The following ATP7B variants were observed in gnomAD, a reference collection of about 807,000 sequenced individuals.
ATP7B encodes ATPase copper transporting beta, also known as copper-transporting ATPase 2.
Under a neutral mutation model 118.9 loss-of-function variants are expected in ATP7B, and 113 were observed. That is an observed-to-expected ratio of 0.95 (90% CI 0.82 to 1.11). ATP7B has a LOEUF of 1.11. Ranked by LOEUF, ATP7B falls within the 50% of genes most tolerant of loss-of-function variation. The pLI, the probability that ATP7B is intolerant of heterozygous loss-of-function variation, is 0.00. For missense variants in ATP7B, 1,867 were observed against 1,871.4 expected (o/e 1.00, Z 0.04); for synonymous variants, 777 against 727.4 (o/e 1.07, Z -1.10).
At chr13:51,973,820 C>A in intron 2 of ATP7B, 115 bp downstream of exon 2, 2 of 1,463,440 alleles carry the variant, frequency 1.4e-6, no homozygotes, top group South Asian at 2.3e-5. Context: ...GGATTTTGTT[C>A]CACTGTTGAC....
chr13:51,935,663 G>A lies in ATP7B; in HGVS notation c.4054C>T (p.Pro1352Ser), dbSNP rs1388795855. 1 of 1,613,634 alleles carries A rather than the reference G, an allele frequency of 6.2e-7. No individual in the cohort carries two copies. The highest frequency in any genetic ancestry group is 1.1e-5 in the South Asian group (1 of 90,904). ...GCCATGGCCGCTGAGCCCATCCAGG[G>A]CTGCAGCACAATGCCGATGGGCATG... ...VFMPIGIVLQ[P>S]WMGSAAMAAS... is the part of the protein sequence containing the mutation. Residue 1352 changes from proline (P) to serine (S), a missense_variant, in exon 20 of 21, where the codon CCC becomes TCC. Transcript: ENST00000242839.
intron 1 of ATP7B, among the ~76,000 whole-genome samples, chr13:52,001,937 C>T (rs9535829): frequency 0.41 from 61,540 of 151,874 alleles, 14,288 homozygotes; most frequent in East Asian, 0.53. Context: ...GCTACAGGTG[C>T]GTGCCACGAT....
At chr13:52,002,485 G>C (rs1057137978) in intron 1 of ATP7B, among the ~76,000 whole-genome samples, 1 of 136,916 alleles carries the variant, frequency 7.3e-6, no homozygotes, top group Non-Finnish European at 1.6e-5. Context: ...AGGATCACCT[G>C]AGCCCGAGGA....
At position 51,970,186 on chromosome 13, in the gene ATP7B, G is replaced by C. The variant is rs928575530; in HGVS notation, c.1543+306C>G. 2.0e-5 allele frequency among the ~76,000 whole-genome samples: 3 copies of C among 152,030 alleles called. No homozygotes were observed. The East Asian group carries it at 5.8e-4, about 29-fold the overall frequency. On this transcript the variant is annotated intron_variant, in intron 3 of 20. Transcript: ENST00000242839. ...AGTAAGGGGTTGATGGGATGGGAGG[G>C]AACAAAATATGGAATAATACTAGTA...
chr13:51,946,364 C>A lies in ATP7B; in HGVS notation c.2980G>T (p.Ala994Ser), dbSNP rs1555287372. Residue 994 changes from alanine to serine, a missense_variant, in exon 13 of 21, where the codon GCT becomes TCT. By Grantham distance (99) the Ala-to-Ser change is moderately conservative. Coordinates refer to ENST00000242839, the MANE Select transcript of ATP7B (RefSeq NM_000053.4). ...GCCACCCCGGTGCCCACCATGACAG[C>A]CGTGGGCGTGGCCAGCCCCAGGGAG... ...PCSLGLATPT[A>S]VMVGTGVAAQ... The A allele has an allele frequency of 6.2e-7, 1 of 1,613,252 alleles. No individual in the cohort carries two copies. Among genetic ancestry groups the A allele is most frequent in the Non-Finnish European group, 8.5e-7 (1 of 1,179,856 alleles).
chr13:51,972,342 C>CCCT (rs1388686234), intron 2 of ATP7B, among the ~76,000 whole-genome samples: 1 of 151,794 alleles, frequency 6.6e-6, no homozygotes, highest in Non-Finnish European at 1.5e-5. Context: ...ACTAGGAGAC[C>CCCT]CCTCCTCCTC....
chr13:51,987,390 C>A (rs930445907), intron 1 of ATP7B, among the ~76,000 whole-genome samples: 1 of 152,162 alleles, frequency 6.6e-6, no homozygotes, highest in East Asian at 1.9e-4. Context: ...GAACTACAAA[C>A]CACTGCTCAA....
At chr13:51,981,640 G>A (rs1327523419) in intron 1 of ATP7B, among the ~76,000 whole-genome samples, 3 of 152,196 alleles carry the variant, frequency 2.0e-5, no homozygotes, top group Non-Finnish European at 4.4e-5. Context: ...ATCCAGGCCA[G>A]TGGGGGTTGG....
chr13:51,954,717 T>G (rs1284826118), intron 9 of ATP7B, among the ~76,000 whole-genome samples: 1 of 151,950 alleles, frequency 6.6e-6, no homozygotes, highest in Non-Finnish European at 1.5e-5. Flanking sequence ...GGAATATTTT[T>G]GGGGAAAAAG....
intron 19 of ATP7B, among the ~76,000 whole-genome samples, chr13:51,936,464 G>A (rs1187443872): frequency 1.3e-5 from 2 of 151,426 alleles, no homozygotes; most frequent in African/African-American, 4.9e-5. Context: ...AGGGGGCGGG[G>A]GAGAGATGGT....
At chr13:51,997,557 G>A (rs1206540343) in intron 1 of ATP7B, among the ~76,000 whole-genome samples, 2 of 152,202 alleles carry the variant, frequency 1.3e-5, no homozygotes, top group African/African-American at 2.4e-5. Flanking sequence ...AAAGGGGGCT[G>A]GGGCCAGGTT....
chr13:51,973,817 G>A (rs1187006600), intron 2 of ATP7B, 118 bp downstream of exon 2: 18 of 1,435,154 alleles, frequency 1.3e-5, no homozygotes, highest in Non-Finnish European at 1.7e-5. Flanking sequence ...GCAGGATTTT[G>A]TTCCACTGTT....
At chr13:51,993,479 T>C (rs966415896) in intron 1 of ATP7B, among the ~76,000 whole-genome samples, 8 of 152,016 alleles carry the variant, frequency 5.3e-5, no homozygotes, top group African/African-American at 1.7e-4. Flanking sequence ...AGGAAAATCA[T>C]TTGAACCCGG....
At position 51,974,420 on chromosome 13, in the gene ATP7B, T is replaced by C; in HGVS notation, c.800A>G (p.His267Arg). 8 of 1,614,030 alleles carry C rather than the reference T, an allele frequency of 5.0e-6. No individual in the cohort carries two copies. The highest frequency in any genetic ancestry group is 6.8e-6 in the Non-Finnish European group (8 of 1,180,034). ...VTLQLRIDGMHCKSCVLNIEE... is the reference protein window; with the variant it reads ...VTLQLRIDGMRCKSCVLNIEE... ...AATATTCAAGACGCAAGACTTACAA[T>C]GCATTCCATCTATTCTCAGTTGGAG... Residue 267 changes from histidine to arginine, a missense_variant, in exon 2 of 21, where the codon CAT (histidine) becomes CGT (arginine). By Grantham distance (29) the His-to-Arg change is conservative (BLOSUM62 0). Transcript: ENST00000242839.
intron 1 of ATP7B, among the ~76,000 whole-genome samples, chr13:52,009,197 T>C (rs929056517): frequency 3.3e-5 from 5 of 152,206 alleles, no homozygotes; most frequent in Non-Finnish European, 7.3e-5. Context: ...AAAACAGACT[T>C]ATTGGAAATA....
chr13:51,935,220 G>C (rs965401564), intron 20 of ATP7B, among the ~76,000 whole-genome samples, 191 bp from the exon 21 acceptor site: 9 of 152,272 alleles, frequency 5.9e-5, no homozygotes, highest in Middle Eastern at 3.4e-3. Flanking sequence ...AACTTCCTAA[G>C]CAAATGCCTT....
At chr13:51,938,697 A>G (rs1403646401) in intron 17 of ATP7B, among the ~76,000 whole-genome samples, 1 of 152,216 alleles carries the variant, frequency 6.6e-6, no homozygotes, top group Admixed American at 6.5e-5. Context: ...CCCCAGTGAG[A>G]AGAGCTGAGC....
In ATP7B at chr13:51,977,861, T is replaced by A. The variant is rs376550939; in HGVS notation, c.52-2693A>T. Among the ~76,000 whole-genome samples the A allele has an allele frequency of 3.3e-5, 5 of 152,336 alleles. No individual in the cohort carries two copies. In the East Asian group the frequency reaches 9.6e-4, roughly 29 times the overall value. Reference sequence around the variant, plus strand: ...GTAATATCATGGGACCAGTGTCATATGTGCAGTCCATCATTGACTAAAGCA... The same window carrying A: ...GTAATATCATGGGACCAGTGTCATAAGTGCAGTCCATCATTGACTAAAGCA... On this transcript the variant is annotated intron_variant, in intron 1 of 20. Transcript: ENST00000242839.
intron 1 of ATP7B, among the ~76,000 whole-genome samples, chr13:51,994,531 T>A (rs1322691786): frequency 6.6e-6 from 1 of 152,218 alleles, no homozygotes; most frequent in Non-Finnish European, 1.5e-5. Context: ...ATATCCTTGG[T>A]TAAAAACCTG....
Sources: allele counts gnomAD v4.1 joint callset (sites outside exome capture counted in the v4.1 genomes callset), GRCh38; gene constraint gnomAD v4.1.1; transcripts MANE v1.5; gene names NCBI Gene and HGNC (gene_info 2026-07-23, HGNC 2026-07-21).